LRRK2: variants seen among roughly 807,000 people sequenced by gnomAD.
The protein encoded by LRRK2 is leucine rich repeat kinase 2, also known as leucine-rich repeat serine/threonine-protein kinase 2.
Under a neutral mutation model 302.6 loss-of-function variants are expected in LRRK2, and 203 were observed. The ratio of observed to expected loss-of-function variants is 0.67; its 90% CI spans 0.60 to 0.75. The LOEUF is 0.75. LRRK2 is among the 30% of genes least tolerant of loss of function. The pLI is 0.00. For missense variants in LRRK2, 2,830 were observed against 2,951.0 expected (o/e 0.96, Z 0.95); for synonymous variants, 1,066 against 1,031.9 (o/e 1.03, Z -0.63).
chr12:40,316,944 C>T (rs1004894007), intron 33 of LRRK2, among the ~76,000 whole-genome samples: 1 of 152,044 alleles, frequency 6.6e-6, no homozygotes, highest in African/African-American at 2.4e-5. Flanking sequence ...TAAAGTTGCT[C>T]TCTAAAGTGG....
chr12:40,264,258 T>G (rs1942907931), intron 14 of LRRK2, among the ~76,000 whole-genome samples: 1 of 152,178 alleles, frequency 6.6e-6, no homozygotes, highest in African/African-American at 2.4e-5. Flanking sequence ...TTCTGTCCTC[T>G]GGCTACTTGT....
At chr12:40,273,616 A>G (rs1169719700) in intron 14 of LRRK2, among the ~76,000 whole-genome samples, 1 of 152,198 alleles carries the variant, frequency 6.6e-6, no homozygotes, top group Non-Finnish European at 1.5e-5. Context: ...TCTTTGGATT[A>G]TCTGTGGTGG....
chr12:40,365,222 G>T, intron 49 of LRRK2, 172 bp downstream of exon 49: 3 of 622,356 alleles, frequency 4.8e-6, no homozygotes, highest in Non-Finnish European at 8.4e-6. Flanking sequence ...TTACAGAAGT[G>T]GAGGGAGTAA....
intron 47 of LRRK2, among the ~76,000 whole-genome samples, chr12:40,360,931 G>A (rs1946685013): frequency 6.6e-6 from 1 of 152,076 alleles, no homozygotes; most frequent in African/African-American, 2.4e-5. Flanking sequence ...AGGTGACTTT[G>A]TGCTTCCATT....
chr12:40,340,102 A>G (rs1945992583), intron 40 of LRRK2, among the ~76,000 whole-genome samples, 192 bp from the exon 41 acceptor site: 1 of 152,212 alleles, frequency 6.6e-6, no homozygotes. Context: ...TTTTTAAAGC[A>G]TAACTTTGCT....
intron 27 of LRRK2, among the ~76,000 whole-genome samples, 181 bp from the exon 28 acceptor site, chr12:40,305,604 A>G (rs17519985): frequency 2.5e-4 from 38 of 152,268 alleles, no homozygotes; most frequent in African/African-American, 8.4e-4. Flanking sequence ...GTAAGTTTTT[A>G]TGTTTTTAAA....
At chr12:40,244,534 G>C (rs1006661718) in intron 7 of LRRK2, among the ~76,000 whole-genome samples, 7 of 151,822 alleles carry the variant, frequency 4.6e-5, no homozygotes, top group African/African-American at 7.3e-5. Flanking sequence ...ATAAATAAGG[G>C]TTAATATTTT....
At chr12:40,333,777 G>A (rs762395879) in intron 39 of LRRK2, among the ~76,000 whole-genome samples, 1 of 152,204 alleles carries the variant, frequency 6.6e-6, no homozygotes, top group East Asian at 2.0e-4. Context: ...TTTGAGATAA[G>A]ATCTGAATGG....
At chr12:40,354,685 T>A (rs1286736684) in intron 45 of LRRK2, among the ~76,000 whole-genome samples, 193 bp downstream of exon 45, 1 of 152,212 alleles carries the variant, frequency 6.6e-6, no homozygotes, top group Non-Finnish European at 1.5e-5. Context: ...AGCTGAGACA[T>A]TTATAAAATA....
At position 40,351,741 on chromosome 12, in the gene LRRK2, C is replaced by A. The variant is rs374284885; in HGVS notation, c.6576+8C>A. The A allele has an allele frequency of 6.2e-7, 1 of 1,613,188 alleles. No individual in the cohort carries two copies. The highest frequency in any genetic ancestry group is 1.3e-5 in the African/African-American group (1 of 74,876). ...GAAGGATACACTTCTGAGGTAAATC[C>A]AAATGCTCTTTAAATCTTTCATAAT... On this transcript the variant is annotated splice_region_variant and intron_variant, in intron 44 of 50. Coordinates refer to ENST00000298910, the MANE Select transcript of LRRK2 (RefSeq NM_198578.4).
chr12:40,353,810 C>T (rs542843897), intron 44 of LRRK2, among the ~76,000 whole-genome samples: 7 of 152,354 alleles, frequency 4.6e-5, no homozygotes, highest in East Asian at 3.9e-4. Context: ...AGCGAAACCC[C>T]GTCTCCACCA....
At chr12:40,347,005 T>A in intron 42 of LRRK2, 82 bp downstream of exon 42, 1 of 1,111,804 alleles carries the variant, frequency 9.0e-7, no homozygotes, top group Non-Finnish European at 1.3e-6. Flanking sequence ...GTTGTATGCT[T>A]AATTCCTTAA....
intron 38 of LRRK2, 44 bp from the exon 39 acceptor site, chr12:40,328,316 C>G (rs1245207865): frequency 1.3e-6 from 2 of 1,494,264 alleles, no homozygotes; most frequent in Admixed American, 3.3e-5. Context: ...GTTTTTTTCG[C>G]TTGGACAGCT....
At position 40,322,146 on chromosome 12, in the gene LRRK2, G is replaced by A. The variant is rs772780153; in HGVS notation, c.5282G>A (p.Ser1761Asn). 2 of 1,612,346 alleles carry A rather than the reference G, an allele frequency of 1.2e-6. No homozygotes were observed. Among genetic ancestry groups the A allele is most frequent in the South Asian group, 1.1e-5 (1 of 90,894 alleles). The change falls in exon 36 of 51, where the codon AGT becomes AAT. Residue 1761 changes from serine (S) to asparagine (N), a missense_variant. Physicochemically the swap from Ser to Asn is conservative, Grantham distance 46 (BLOSUM62 1). Transcript: ENST00000298910. ...GAAGTCTTAGACAATCATCCAGAGAGTTTCTTAAAAATTACAGTTCCTTCT... is the reference window on the plus strand; with the variant it reads ...GAAGTCTTAGACAATCATCCAGAGAATTTCTTAAAAATTACAGTTCCTTCT... ...GSEVLDNHPESFLKITVPSCR... is the reference protein window; with the variant it reads ...GSEVLDNHPENFLKITVPSCR...
intron 19 of LRRK2, among the ~76,000 whole-genome samples, chr12:40,285,653 A>G (rs1191955144): frequency 6.6e-6 from 1 of 152,116 alleles, no homozygotes; most frequent in Non-Finnish European, 1.5e-5. Context: ...CATTGTTTAT[A>G]ATAGCAAAAG....
At chr12:40,311,982 T>C (rs1238489375) in intron 31 of LRRK2, among the ~76,000 whole-genome samples, 1 of 151,800 alleles carries the variant, frequency 6.6e-6, no homozygotes, top group Non-Finnish European at 1.5e-5. Flanking sequence ...TTTCTGAGAC[T>C]ATACCCATAC....
At chr12:40,351,914 A>G (rs1946364614) in intron 44 of LRRK2, among the ~76,000 whole-genome samples, 181 bp downstream of exon 44, 1 of 152,228 alleles carries the variant, frequency 6.6e-6, no homozygotes, top group African/African-American at 2.4e-5. Context: ...GTCTTAGCTC[A>G]GGGTCCCTAG....
At position 40,340,137 on chromosome 12, in the gene LRRK2, T is replaced by C. The variant is rs190853091; in HGVS notation, c.5949-157T>C. Among the ~76,000 whole-genome samples the C allele has an allele frequency of 2.0e-5, 3 of 152,370 alleles. No homozygotes were observed. The East Asian group carries it at 5.8e-4, about 29-fold the overall frequency. On this transcript the variant is annotated intron_variant, in intron 40 of 50. Transcript: ENST00000298910. Reference sequence around the variant, plus strand: ...TGTGTAATATTAGACTTATATGTTTTGATTTCCTTCTACAATATCTCTTAA... The same window carrying C: ...TGTGTAATATTAGACTTATATGTTTCGATTTCCTTCTACAATATCTCTTAA...
chr12:40,366,826 G>T, intron 49 of LRRK2, 180 bp from the exon 50 acceptor site: 1 of 533,380 alleles, frequency 1.9e-6, no homozygotes, highest in Non-Finnish European at 3.4e-6. Flanking sequence ...CACAGATTTT[G>T]TTATTTTTTA....
Sources: gnomAD v4.1 joint callset for allele counts (sites outside exome capture counted in the v4.1 genomes callset) on GRCh38, gnomAD v4.1.1 for gene constraint, MANE v1.5 for transcripts, NCBI Gene and HGNC (gene_info 2026-07-23, HGNC 2026-07-21) for gene names.